FNBP1: variants seen among roughly 807,000 people sequenced by gnomAD.
FNBP1 encodes the protein formin-binding protein 1.
In FNBP1, 26 loss-of-function variants were observed where a neutral mutation model predicts 90.6. The ratio of observed to expected loss-of-function variants is 0.29; its 90% CI spans 0.21 to 0.40. The LOEUF (loss-of-function observed/expected upper bound fraction) is 0.40, where lower values mean the gene tolerates loss of function less well. Among genes scored for constraint, FNBP1 ranks in the 10% least tolerant of loss-of-function variants. FNBP1 has a pLI of 1.00. For synonymous variants in FNBP1, 260 were observed against 265.2 expected (o/e 0.98, Z 0.19); for missense variants, 635 against 768.0 (o/e 0.83, Z 2.05).
At chr9:129,951,420 A>ATTTT (rs1342035963) in intron 6 of FNBP1, among the ~76,000 whole-genome samples, 3 of 137,962 alleles carry the variant, frequency 2.2e-5, no homozygotes, top group Non-Finnish European at 3.1e-5. Context: ...TATAATTTCT[A>ATTTT]TTTATTTATT....
chr9:129,903,249 G>T (rs1185340831), intron 12 of FNBP1, among the ~76,000 whole-genome samples: 1 of 152,038 alleles, frequency 6.6e-6, no homozygotes, highest in Non-Finnish European at 1.5e-5. Flanking sequence ...ATGGGGTTTT[G>T]CCACGTTGGC....
At chr9:129,981,290 C>T (rs986306668) in intron 2 of FNBP1, among the ~76,000 whole-genome samples, 16 of 152,056 alleles carry the variant, frequency 1.1e-4, no homozygotes, top group Non-Finnish European at 1.9e-4. Context: ...GGTTTCACCA[C>T]GTTGGCCAGG....
chr9:129,968,053 A>G (rs570546733), intron 4 of FNBP1, among the ~76,000 whole-genome samples: 2 of 151,938 alleles, frequency 1.3e-5, no homozygotes, highest in South Asian at 4.2e-4. Context: ...CAGTGGTGAA[A>G]GGGCCCACTT....
chr9:129,924,461 G>A (rs1432682841), intron 9 of FNBP1, among the ~76,000 whole-genome samples: 3 of 152,228 alleles, frequency 2.0e-5, no homozygotes, highest in Admixed American at 1.3e-4. Context: ...AAGCAGTAAT[G>A]CTGCCTTGAT....
At chr9:130,010,549 C>T (rs2056406322) in intron 1 of FNBP1, among the ~76,000 whole-genome samples, 1 of 152,112 alleles carries the variant, frequency 6.6e-6, no homozygotes, top group Non-Finnish European at 1.5e-5. Context: ...TGAGCCACTG[C>T]ACCCGGCTCC....
intron 6 of FNBP1, among the ~76,000 whole-genome samples, chr9:129,946,562 T>C (rs72757260): frequency 0.01 from 1,552 of 152,302 alleles, 18 homozygotes; most frequent in South Asian, 0.04. Context: ...AGAGGCACCA[T>C]TAACTTTTGG....
At chr9:129,936,092 TTGTTG>T (rs1179454557) in intron 6 of FNBP1, among the ~76,000 whole-genome samples, 2 of 152,190 alleles carry the variant, frequency 1.3e-5, no homozygotes, top group African/African-American at 2.4e-5. Flanking sequence ...TGCTTTTCCT[TTGTTG>T]AAAGGATATA....
chr9:129,941,354 A>T (rs1302118835), intron 6 of FNBP1, among the ~76,000 whole-genome samples: 2 of 152,276 alleles, frequency 1.3e-5, no homozygotes, highest in East Asian at 3.9e-4. Context: ...GCGTCATTGC[A>T]CTCCAGCCTG....
rs1358647031 is a variant in FNBP1 at position 129,887,813 on chromosome 9, C to T, written c.*2726G>A. 2.6e-5 allele frequency: 6 copies of T among 230,210 alleles called. No homozygotes were observed. The highest frequency in any genetic ancestry group is 2.3e-4 in the Admixed American group (4 of 17,656). 14.3% of individuals were successfully genotyped at this position (230,210 alleles called of 1,614,324 possible). ...CTTACAACACAACAGTATTCTAGCACGGTGGCGAAGTGACAGGCGGCAGAT... is the reference window on the plus strand; with the variant it reads ...CTTACAACACAACAGTATTCTAGCATGGTGGCGAAGTGACAGGCGGCAGAT... On this transcript the variant is annotated 3_prime_UTR_variant, in exon 17 of 17. Coordinates refer to ENST00000446176, the MANE Select transcript of FNBP1 (RefSeq NM_015033.3).
chr9:129,916,249 G>T, intron 10 of FNBP1: 1 of 468,098 alleles, frequency 2.1e-6, no homozygotes, highest in Non-Finnish European at 3.8e-6. Context: ...TTCTGTTACA[G>T]GCCTGTACTG....
upstream of FNBP1, among the ~76,000 whole-genome samples, chr9:130,046,433 T>C (rs2060059901): frequency 3.3e-5 from 5 of 151,764 alleles, no homozygotes; most frequent in Admixed American, 3.3e-4. Context: ...GCTAAACACA[T>C]AAAAGTCCCT....
At chr9:129,972,290 C>T (rs1375530512) in intron 4 of FNBP1, among the ~76,000 whole-genome samples, 1 of 151,464 alleles carries the variant, frequency 6.6e-6, no homozygotes, top group African/African-American at 2.4e-5. Flanking sequence ...CCTGCCACCA[C>T]GCCCAGCTAA....
At chr9:129,965,642 A>G (rs1247455389) in intron 4 of FNBP1, among the ~76,000 whole-genome samples, 3 of 152,024 alleles carry the variant, frequency 2.0e-5, no homozygotes, top group Non-Finnish European at 4.4e-5. Context: ...CAGGAGTTTG[A>G]GACCAGCCTG....
intron 1 of FNBP1, among the ~76,000 whole-genome samples, chr9:130,010,105 T>C (rs1039296487): frequency 6.6e-6 from 1 of 152,088 alleles, no homozygotes; most frequent in Non-Finnish European, 1.5e-5. Flanking sequence ...TACCCCCATA[T>C]GTTCAAAATG....
chr9:129,908,056 T>C (rs1270025857), intron 12 of FNBP1, among the ~76,000 whole-genome samples: 1 of 151,872 alleles, frequency 6.6e-6, no homozygotes, highest in Non-Finnish European at 1.5e-5. Context: ...AACAGCTCAC[T>C]GCAGCCTCCA....
chr9:129,959,186 A>G (rs1304083210), intron 4 of FNBP1, among the ~76,000 whole-genome samples: 1 of 151,540 alleles, frequency 6.6e-6, no homozygotes, highest in African/African-American at 2.4e-5. Flanking sequence ...GTAGTCAGTT[A>G]CTTGGGAGGC....
chr9:129,956,454 CT>C (rs1258828551), intron 6 of FNBP1, among the ~76,000 whole-genome samples: 1 of 152,082 alleles, frequency 6.6e-6, no homozygotes, highest in Non-Finnish European at 1.5e-5. Flanking sequence ...GTATTGATGA[CT>C]TTAATAAAAA....
chr9:129,889,819 G>C lies in FNBP1; in HGVS notation c.*720C>G. On this transcript the variant is annotated 3_prime_UTR_variant, in exon 17 of 17. Coordinates refer to ENST00000446176, the MANE Select transcript of FNBP1 (RefSeq NM_015033.3). ...GAGCTGGAATTCGACTTCCAGTGTG[G>C]ACCTCCCCAGGCCACTGAAAACAGG... is the stretch of plus-strand genomic sequence containing the variant. 1 of 232,992 alleles carries C rather than the reference G, an allele frequency of 4.3e-6. No individual in the cohort carries two copies. Among genetic ancestry groups the C allele is most frequent in the East Asian group, 6.0e-5 (1 of 16,552 alleles). The allele number at this position is 232,992 out of a possible 1,614,324, so 14.4% of individuals were successfully genotyped here.
At chr9:130,036,978 G>A (rs1202568781) in intron 1 of FNBP1, among the ~76,000 whole-genome samples, 1 of 150,316 alleles carries the variant, frequency 6.7e-6, no homozygotes, top group African/African-American at 2.4e-5. Context: ...CTGGGAGGCC[G>A]AGCTTGCAGT....
Sources: gnomAD v4.1 joint callset for allele counts (sites outside exome capture counted in the v4.1 genomes callset) on GRCh38, gnomAD v4.1.1 for gene constraint, MANE v1.5 for transcripts, NCBI Gene and HGNC (gene_info 2026-07-23, HGNC 2026-07-21) for gene names.